The following GPC5 variants were observed in gnomAD, a reference collection of about 807,000 sequenced individuals.
The protein encoded by GPC5 is glypican 5, also known as glypican-5.
A neutral mutation model predicts 53.9 loss-of-function variants in GPC5; 47 were observed. The ratio of observed to expected loss-of-function variants is 0.87; its 90% confidence interval spans 0.69 to 1.11. The LOEUF is 1.11. Among genes scored for constraint, GPC5 ranks in the 50% most tolerant of loss-of-function variants. The probability of loss-of-function intolerance (pLI) is 0.00; values close to 1 mark genes in which losing one functional copy is unlikely to be tolerated. For synonymous variants in GPC5, 286 were observed against 263.3 expected, an observed-to-expected ratio of 1.09 and a Z score of -0.84; for missense variants, 748 against 713.1, an observed-to-expected ratio of 1.05 and a Z score of -0.56.
intron 2 of GPC5, among the ~76,000 whole-genome samples, chr13:91,513,115 A>T (rs2139338883): frequency 6.6e-6 from 1 of 152,264 alleles, no homozygotes; most frequent in South Asian, 2.1e-4. Context: ...TGAACCCATC[A>T]CCTAGGTATT....
At chr13:92,106,529 T>G (rs530838648) in intron 6 of GPC5, among the ~76,000 whole-genome samples, 84 of 152,168 alleles carry the variant, frequency 5.5e-4, no homozygotes, top group African/African-American at 2.0e-3. Context: ...AATTGAATCA[T>G]AAAAATTGTC....
intron 3 of GPC5, among the ~76,000 whole-genome samples, chr13:91,711,807 G>A (rs76303755): frequency 0.025 from 3,738 of 152,082 alleles, 146 homozygotes; most frequent in African/African-American, 0.085. Context: ...CATTATTTCG[G>A]GTTTGGGTCA....
chr13:92,179,206 CAAA>C (rs2042129335), intron 7 of GPC5, among the ~76,000 whole-genome samples: 2 of 152,054 alleles, frequency 1.3e-5, no homozygotes, highest in African/African-American at 4.8e-5. Context: ...TGGGGTAAAA[CAAA>C]AACTCTTACA....
At chr13:92,639,854 A>C (rs11840554) in intron 7 of GPC5, among the ~76,000 whole-genome samples, 2,731 of 152,234 alleles carry the variant, frequency 0.018, 83 homozygotes, top group African/African-American at 0.061. Flanking sequence ...TGAACAGAAA[A>C]CATCTTCATA....
rs149844858 is a variant in GPC5 at position 91,758,011 on chromosome 13, C to A, written c.1280+1591C>A. On this transcript the variant is annotated intron_variant, in intron 5 of 7. Coordinates refer to ENST00000377067, the MANE Select transcript of GPC5 (RefSeq NM_004466.6). ...TATTAAATTATTATTTTACTAATAT[C>A]CTGAATATCTGAATATCTCATAGAG... is the stretch of plus-strand genomic sequence containing the variant. Among the ~76,000 whole-genome samples the A allele has an allele frequency of 5.3e-3, 800 of 151,940 alleles. 4 individuals are homozygous for A. The highest frequency in any genetic ancestry group is 8.8e-3 in the Non-Finnish European group (597 of 67,944).
intron 7 of GPC5, among the ~76,000 whole-genome samples, chr13:92,260,909 T>A (rs73629645): frequency 0.018 from 2,803 of 152,252 alleles, 78 homozygotes; most frequent in African/African-American, 0.062. Context: ...AAGCTAAATG[T>A]TTAATTCTGC....
intron 7 of GPC5, among the ~76,000 whole-genome samples, chr13:92,633,160 T>C (rs112036643): frequency 0.01 from 1,538 of 152,302 alleles, 17 homozygotes; most frequent in African/African-American, 0.035. Flanking sequence ...CCCAAAGTGC[T>C]GGGATTACAG....
intron 6 of GPC5, among the ~76,000 whole-genome samples, chr13:92,103,960 T>C (rs899347849): frequency 2.0e-5 from 3 of 152,160 alleles, no homozygotes; most frequent in Admixed American, 2.0e-4. Context: ...CAAGGTCAAC[T>C]TTTTGTTTGC....
intron 2 of GPC5, among the ~76,000 whole-genome samples, chr13:91,676,459 A>G (rs1245205414): frequency 1.3e-5 from 2 of 151,542 alleles, no homozygotes; most frequent in African/African-American, 4.9e-5. Context: ...GTACTCAGAA[A>G]CAGAATGAAA....
chr13:92,551,722 G>A (rs1254399385), intron 7 of GPC5, among the ~76,000 whole-genome samples: 4 of 151,854 alleles, frequency 2.6e-5, no homozygotes. Flanking sequence ...TAGGAGGTAG[G>A]AGGTGTAAGA....
chr13:92,083,061 C>G (rs1181132435), intron 6 of GPC5, among the ~76,000 whole-genome samples: 1 of 152,144 alleles, frequency 6.6e-6, no homozygotes, highest in Non-Finnish European at 1.5e-5. Context: ...CACGGAGATG[C>G]TTAAAATACT....
intron 7 of GPC5, among the ~76,000 whole-genome samples, chr13:92,425,895 C>G (rs745957157): frequency 6.6e-6 from 1 of 151,948 alleles, no homozygotes; most frequent in Admixed American, 6.6e-5. Context: ...CTATTCTATG[C>G]CTTGCTTTTT....
chr13:92,126,059 A>G (rs1395138484), intron 6 of GPC5, among the ~76,000 whole-genome samples: 1 of 144,208 alleles, frequency 6.9e-6, no homozygotes, highest in Non-Finnish European at 1.5e-5. Context: ...GGTTGGAGTG[A>G]TTCTCCTGCC....
At chr13:92,570,985 T>A (rs1317494077) in intron 7 of GPC5, among the ~76,000 whole-genome samples, 1 of 152,174 alleles carries the variant, frequency 6.6e-6, no homozygotes, top group East Asian at 1.9e-4. Context: ...CTCCTTCTTT[T>A]GATTCCAAGT....
chr13:92,477,958 G>C (rs1394762968), intron 7 of GPC5, among the ~76,000 whole-genome samples: 1 of 152,044 alleles, frequency 6.6e-6, no homozygotes, highest in Non-Finnish European at 1.5e-5. Flanking sequence ...GTTGGCATTT[G>C]GTTTATTTTC....
chr13:91,719,115 T>G (rs938247793), intron 3 of GPC5, among the ~76,000 whole-genome samples: 2 of 152,194 alleles, frequency 1.3e-5, no homozygotes, highest in Non-Finnish European at 2.9e-5. Flanking sequence ...CACAGCTGCA[T>G]GTGAATCAAG....
In GPC5 at chr13:91,583,259, A is replaced by T. The variant is rs559343438; in HGVS notation, c.326-109928A>T. ...ATAAAAGGAATATAGTTGGAAAGGA[A>T]CAAACAAAACTATTATTCACTGACA... On this transcript the variant is annotated intron_variant, in intron 2 of 7. Coordinates refer to ENST00000377067, the MANE Select transcript of GPC5 (RefSeq NM_004466.6). Among the ~76,000 whole-genome samples, 194 of 152,324 alleles carry T rather than the reference A, an allele frequency of 1.3e-3. 1 individual carries two copies. Among genetic ancestry groups the T allele is most frequent in the Non-Finnish European group, 2.3e-3 (157 of 68,016 alleles).
At chr13:91,715,540 T>A (rs2036317869) in intron 3 of GPC5, among the ~76,000 whole-genome samples, 1 of 152,076 alleles carries the variant, frequency 6.6e-6, no homozygotes. Flanking sequence ...GAGGATAAGG[T>A]TATAGAAGGT....
chr13:91,973,900 G>T (rs1232783925), intron 6 of GPC5, among the ~76,000 whole-genome samples: 2 of 152,190 alleles, frequency 1.3e-5, no homozygotes, highest in Non-Finnish European at 2.9e-5. Context: ...CCCTACAGGG[G>T]GATGCCTCCC....
Sources: gnomAD v4.1 joint callset for allele counts (sites outside exome capture counted in the v4.1 genomes callset) on GRCh38, gnomAD v4.1.1 for gene constraint, MANE v1.5 for transcripts, NCBI Gene and HGNC (gene_info 2026-07-23, HGNC 2026-07-21) for gene names.